The following CFAP184 variants were observed in gnomAD, a reference collection of about 807,000 sequenced individuals.
CFAP184 encodes cilia- and flagella-associated protein 184.
At chr4:7,041,658 C>A in the CFAP184 span, 1 of 1,614,172 alleles carries the variant, frequency 6.2e-7, no homozygotes, top group African/African-American at 1.3e-5. Flanking sequence ...TTAAAAGTTC[C>A]TCATTTCGTT....
the CFAP184 span, chr4:7,041,844 C>G: frequency 6.2e-7 from 1 of 1,609,994 alleles, no homozygotes; most frequent in Non-Finnish European, 8.5e-7. Flanking sequence ...CCTTTTTATC[C>G]TCCAACGCCT....
chr4:7,042,079 T>C, the CFAP184 span: 1 of 1,610,394 alleles, frequency 6.2e-7, no homozygotes, highest in African/African-American at 1.3e-5. Context: ...CATGCCCAGA[T>C]GGCGCAGGTA....
the CFAP184 span, chr4:7,041,606 G>A: frequency 5.6e-6 from 9 of 1,614,090 alleles, no homozygotes; most frequent in Non-Finnish European, 7.6e-6. Flanking sequence ...TCCTTCACGT[G>A]GGTTATTACT....
chr4:7,042,371 G>C, the CFAP184 span: 1 of 1,610,914 alleles, frequency 6.2e-7, no homozygotes, highest in Non-Finnish European at 8.5e-7. Context: ...TTGGCCGGGC[G>C]TCCTTCCCCA....
the CFAP184 span, chr4:7,041,461 ATGT>A: frequency 6.8e-6 from 11 of 1,614,018 alleles, no homozygotes; most frequent in Admixed American, 5.0e-5. Flanking sequence ...ATTCAGTCTG[ATGT>A]TGTCCGTCCG....
At chr4:7,041,845 T>A in the CFAP184 span, 1 of 1,609,942 alleles carries the variant, frequency 6.2e-7, no homozygotes. Flanking sequence ...CTTTTTATCC[T>A]CCAACGCCTG....
chr4:7,042,466 G>C, the CFAP184 span: 3 of 1,610,556 alleles, frequency 1.9e-6, no homozygotes, highest in East Asian at 2.2e-5. Flanking sequence ...CTCGGCCTCC[G>C]GGGCTGCAGC....
At chr4:7,041,692 T>G in the CFAP184 span, 18 of 1,614,122 alleles carry the variant, frequency 1.1e-5, no homozygotes, top group Non-Finnish European at 1.5e-5. Flanking sequence ...ATTGAAGGTT[T>G]GGTTCTCAAT....
chr4:7,042,634 T>G, the CFAP184 span: 2 of 1,489,510 alleles, frequency 1.3e-6, no homozygotes, highest in Middle Eastern at 2.3e-4. Flanking sequence ...AGCCCCAACC[T>G]CGGCCGGCTC....
At chr4:7,042,809 C>G in the CFAP184 span, 1 of 1,563,330 alleles carries the variant, frequency 6.4e-7, no homozygotes, top group Non-Finnish European at 8.6e-7. Flanking sequence ...GGCTCCGACT[C>G]CAGCTCCCCG....
At chr4:7,042,721 A>AGCCCTTTCGGGGCCTCGGCCTGCTCGTCC in the CFAP184 span, 29 of 1,517,826 alleles carry the variant, frequency 1.9e-5, no homozygotes, top group Middle Eastern at 5.6e-4. Context: ...GGCTGCCGTT[A>AGCCCTTTCGGGGCCTCGGCCTGCTCGTCC]GCCCTTTCGG....
At chr4:7,042,042 T>C in the CFAP184 span, 3 of 1,611,494 alleles carry the variant, frequency 1.9e-6, no homozygotes, top group Non-Finnish European at 8.5e-7. Context: ...GCAGGTCGTC[T>C]GCCTGCTGCT....
the CFAP184 span, chr4:7,042,084 C>T: frequency 1.2e-6 from 2 of 1,610,038 alleles, no homozygotes; most frequent in Admixed American, 3.3e-5. Flanking sequence ...CCAGATGGCG[C>T]AGGTACGCTT....
chr4:7,042,931 A>G, the CFAP184 span: 1 of 1,448,690 alleles, frequency 6.9e-7, no homozygotes, highest in East Asian at 2.6e-5. Context: ...CTCAGAGCTG[A>G]CGTCCATCTC....
chr4:7,042,856 A>C, the CFAP184 span: 3 of 1,573,192 alleles, frequency 1.9e-6, no homozygotes, highest in Non-Finnish European at 2.6e-6. Flanking sequence ...GCTGGCCTTG[A>C]TCTTGGACGG....
At chr4:7,041,321 T>A in the CFAP184 span, 1 of 1,613,772 alleles carries the variant, frequency 6.2e-7, no homozygotes, top group Non-Finnish European at 8.5e-7. Flanking sequence ...CTCACGCCTC[T>A]GCAGGACAAA....
the CFAP184 span, chr4:7,042,114 G>T: frequency 6.2e-7 from 1 of 1,607,790 alleles, no homozygotes; most frequent in Admixed American, 1.7e-5. Context: ...CGGGGGCCTC[G>T]GCCTCTGCGC....
chr4:7,041,611 A>G, the CFAP184 span: 1 of 1,614,182 alleles, frequency 6.2e-7, no homozygotes, highest in Non-Finnish European at 8.5e-7. Flanking sequence ...CACGTGGGTT[A>G]TTACTTGCAC....
chr4:7,042,935 C>G, the CFAP184 span: 2 of 1,435,742 alleles, frequency 1.4e-6, no homozygotes, highest in African/African-American at 3.0e-5. Flanking sequence ...GAGCTGACGT[C>G]CATCTCCTCC....
Sources: gnomAD v4.1 joint callset for allele counts on GRCh38, gnomAD v4.1.1 for gene constraint, MANE v1.5 for transcripts, NCBI Gene and HGNC (gene_info 2026-07-23, HGNC 2026-07-21) for gene names.